The following KCND2 variants were observed in gnomAD, a reference collection of about 807,000 sequenced individuals.
KCND2 encodes the protein A-type voltage-gated potassium channel KCND2.
KCND2 carries 16 observed loss-of-function variants against 54.4 expected under a neutral mutation model. That is an observed-to-expected ratio of 0.29 (90% confidence interval 0.20 to 0.45). KCND2 has a LOEUF of 0.45. Among genes scored for constraint, KCND2 ranks in the 20% least tolerant of loss-of-function variants. The probability of loss-of-function intolerance (pLI) is 1.00; values close to 1 mark genes in which losing one functional copy is unlikely to be tolerated. For synonymous variants in KCND2, 317 were observed against 310.7 expected (o/e 1.02, Z -0.21); for missense variants, 486 against 824.2 (o/e 0.59, Z 5.02).
chr7:120,605,242 C>T lies in KCND2; in HGVS notation c.1116-127661C>T, dbSNP rs113603105. On this transcript the variant is annotated intron_variant, in intron 1 of 5. Coordinates refer to ENST00000331113, the MANE Select transcript of KCND2 (RefSeq NM_012281.3). ...ACTCTCCAATCCTCTCTCCCCCAAG[C>T]CCCTGTCAATCACCACTTTACTCTA... Among the ~76,000 whole-genome samples, 1,113 of 152,118 alleles carry T rather than the reference C, an allele frequency of 7.3e-3. 14 individuals carry two copies. Among genetic ancestry groups the T allele is most frequent in the African/African-American group, 0.025 (1,054 of 41,392 alleles).
rs148358339 is a variant in KCND2 at position 120,362,569 on chromosome 7, TC to T, written c.1115+86823del. Among the ~76,000 whole-genome samples, 1,283 of 152,096 alleles carry T rather than the reference TC, an allele frequency of 8.4e-3. 13 individuals carry two copies. Among genetic ancestry groups the T allele is most frequent in the African/African-American group, 0.029 (1,210 of 41,518 alleles). Reference sequence around the variant, plus strand: ...TATGAATTATAGCAAAAGCAGGAAATCAGCTGAGAGGCAGCATGCTCTAACA... The same window carrying T: ...TATGAATTATAGCAAAAGCAGGAAATAGCTGAGAGGCAGCATGCTCTAACA... On this transcript the variant is annotated intron_variant, in intron 1 of 5. Coordinates refer to ENST00000331113, the MANE Select transcript of KCND2 (RefSeq NM_012281.3).
chr7:120,674,050 T>C (rs13235340), intron 1 of KCND2, among the ~76,000 whole-genome samples: 8,264 of 152,004 alleles, frequency 0.054, 372 homozygotes, highest in Middle Eastern at 0.11. Flanking sequence ...GACGCAGACA[T>C]GCGTCACCAC....
At chr7:120,302,656 AGAG>A in intron 1 of KCND2, among the ~76,000 whole-genome samples, 1 of 152,246 alleles carries the variant, frequency 6.6e-6, no homozygotes, top group Non-Finnish European at 1.5e-5. Context: ...GGAATTTAAA[AGAG>A]TGATATACAA....
At chr7:120,485,229 A>G (rs1452723237) in intron 1 of KCND2, among the ~76,000 whole-genome samples, 1 of 152,164 alleles carries the variant, frequency 6.6e-6, no homozygotes, top group Non-Finnish European at 1.5e-5. Context: ...TATTGTTACA[A>G]TAATGAGTGA....
rs150207027 is a variant in KCND2, at chr7:120,726,814, A to G, written c.1116-6089A>G. Among the ~76,000 whole-genome samples the G allele has an allele frequency of 3.3e-3, 501 of 152,350 alleles. 2 individuals are homozygous for G. The highest frequency in any genetic ancestry group is 0.012 in the African/African-American group (482 of 41,588). ...ACAGAATGCTCCTGAACTTCTGTGC[A>G]CCTGCACAGGATCTGTTCATTCATT... On this transcript the variant is annotated intron_variant, in intron 1 of 5. Transcript: ENST00000331113.
chr7:120,535,018 T>A lies in KCND2; in HGVS notation c.1116-197885T>A, dbSNP rs1371016061. On this transcript the variant is annotated intron_variant, in intron 1 of 5. Coordinates refer to ENST00000331113, the MANE Select transcript of KCND2 (RefSeq NM_012281.3). ...TATAGTCTTTGATTTTAAAGAGTTG[T>A]AACTGATACAAATATAGTTGAAATA... Among the ~76,000 whole-genome samples the A allele has an allele frequency of 5.3e-5, 8 of 152,190 alleles. No individual in the cohort carries two copies. In the East Asian group the frequency reaches 1.5e-3, roughly 29 times the overall value.
chr7:120,478,780 A>G (rs756021526), intron 1 of KCND2, among the ~76,000 whole-genome samples: 1 of 152,248 alleles, frequency 6.6e-6, no homozygotes, highest in South Asian at 2.1e-4. Context: ...GACTAGAGGG[A>G]CAGGGTCTTT....
chr7:120,743,948 AGTTAAATGATACATTAATAATAAAATGTT>A, intron 4 of KCND2, among the ~76,000 whole-genome samples: 1 of 152,194 alleles, frequency 6.6e-6, no homozygotes, highest in Non-Finnish European at 1.5e-5. Context: ...TAAATTTGAA[AGTTAAATGATACATTAATAATAAAATGTT>A]GGCCAGGCGC....
chr7:120,677,516 A>AATAT lies in KCND2; in HGVS notation c.1116-55377_1116-55374dup, dbSNP rs528603766. Among the ~76,000 whole-genome samples, 8 of 129,636 alleles carry AATAT rather than the reference A, an allele frequency of 6.2e-5. No homozygotes were observed. The East Asian group carries it at 3.1e-3, about 50-fold the overall frequency. The allele number at this position is 129,636 out of a possible 152,430, so 85.0% of individuals were successfully genotyped here. A position where few individuals can be genotyped will look rare whatever the true frequency, so the allele number is the denominator to read the frequency against. ...TGTGACCATTGGTGGTAAGAATTCAAATATATATATATAGATATAGATATA... is the reference window on the plus strand; with the variant it reads ...TGTGACCATTGGTGGTAAGAATTCAAATATATATATATATATAGATATAGATATA... On this transcript the variant is annotated intron_variant, in intron 1 of 5. Transcript: ENST00000331113.
intron 1 of KCND2, among the ~76,000 whole-genome samples, chr7:120,449,089 G>T (rs60114746): frequency 0.021 from 3,228 of 152,188 alleles, 98 homozygotes; most frequent in African/African-American, 0.07. Context: ...CAGCACTTTG[G>T]GAGGCCGAGG....
At position 120,300,254 on chromosome 7, in the gene KCND2, T is replaced by G. The variant is rs546292739; in HGVS notation, c.1115+24507T>G. ...ATATTAGTGAGATATTATAATTTTA[T>G]GCTTCCACTGTGTTGTGTCCAGAAA... is the stretch of plus-strand genomic sequence containing the variant. On this transcript the variant is annotated intron_variant, in intron 1 of 5. Coordinates refer to ENST00000331113, the MANE Select transcript of KCND2 (RefSeq NM_012281.3). Among the ~76,000 whole-genome samples, 4 of 152,280 alleles carry G rather than the reference T, an allele frequency of 2.6e-5. No homozygotes were observed. The East Asian group carries it at 7.7e-4, about 29-fold the overall frequency.
intron 1 of KCND2, among the ~76,000 whole-genome samples, chr7:120,456,458 A>G (rs1389434013): frequency 6.6e-6 from 1 of 152,206 alleles, no homozygotes; most frequent in Non-Finnish European, 1.5e-5. Context: ...GAGTTTTACA[A>G]CATTAATACC....
chr7:120,561,994 G>A (rs568119861), intron 1 of KCND2, among the ~76,000 whole-genome samples: 3 of 152,266 alleles, frequency 2.0e-5, no homozygotes, highest in Admixed American at 6.5e-5. Context: ...TGGGTATGAA[G>A]GAGTAGAAGT....
intron 1 of KCND2, among the ~76,000 whole-genome samples, chr7:120,631,642 G>C (rs1485823950): frequency 6.6e-6 from 1 of 152,044 alleles, no homozygotes; most frequent in African/African-American, 2.4e-5. Flanking sequence ...TATACAGAAA[G>C]GAACAACTGT....
chr7:120,584,195 C>T (rs1405158209), intron 1 of KCND2, among the ~76,000 whole-genome samples: 1 of 152,210 alleles, frequency 6.6e-6, no homozygotes, highest in East Asian at 1.9e-4. Context: ...GCATAAGTTA[C>T]ATTTTGAATT....
chr7:120,708,512 A>G, intron 1 of KCND2, among the ~76,000 whole-genome samples: 1 of 152,148 alleles, frequency 6.6e-6, no homozygotes, highest in Non-Finnish European at 1.5e-5. Context: ...AAACTAACTA[A>G]AAATGTTATT....
intron 1 of KCND2, among the ~76,000 whole-genome samples, chr7:120,472,442 A>G (rs1226247030): frequency 6.6e-6 from 1 of 152,092 alleles, no homozygotes; most frequent in Non-Finnish European, 1.5e-5. Context: ...TCCGAATAAC[A>G]TTGTTCTAGT....
intron 1 of KCND2, among the ~76,000 whole-genome samples, chr7:120,617,407 T>G (rs1584855901): frequency 6.6e-6 from 1 of 152,258 alleles, no homozygotes; most frequent in Non-Finnish European, 1.5e-5. Context: ...ACATCACTAA[T>G]CATTAGAGAA....
At chr7:120,467,013 T>C (rs1401642919) in intron 1 of KCND2, among the ~76,000 whole-genome samples, 8 of 152,156 alleles carry the variant, frequency 5.3e-5, no homozygotes, top group African/African-American at 7.2e-5. Context: ...CGTGATTCCA[T>C]TGGGCCCACC....
Sources: allele counts gnomAD v4.1 joint callset (sites outside exome capture counted in the v4.1 genomes callset), GRCh38; gene constraint gnomAD v4.1.1; transcripts MANE v1.5; gene names NCBI Gene and HGNC (gene_info 2026-07-23, HGNC 2026-07-21).